Variants in SNCAIP observed in about 807,000 individuals in gnomAD.
SNCAIP encodes the protein synuclein alpha interacting protein.
Under a neutral mutation model 86.7 loss-of-function variants are expected in SNCAIP, and 43 were observed. The observed-to-expected ratio is 0.50, with a 90% CI of 0.39 to 0.64. The LOEUF is 0.64. SNCAIP is among the 30% of genes least tolerant of loss of function. SNCAIP has a pLI of 0.00. For synonymous variants in SNCAIP, 417 were observed against 427.2 expected (o/e 0.98, Z 0.29); for missense variants, 981 against 1,103.1 (o/e 0.89, Z 1.57).
chr5:122,428,236 T>C (rs71592595), intron 5 of SNCAIP, among the ~76,000 whole-genome samples: 5,448 of 152,264 alleles, frequency 0.036, 149 homozygotes, highest in Non-Finnish European at 0.056. Context: ...ATCTTACTGA[T>C]ACCCCCTTGC....
intron 1 of SNCAIP, among the ~76,000 whole-genome samples, chr5:122,382,854 G>A (rs559232013): frequency 3.3e-4 from 50 of 152,358 alleles, no homozygotes; most frequent in African/African-American, 6.5e-4. Flanking sequence ...TAGCCTGCTC[G>A]GGGGTCAGGG....
rs1781905444 is a variant in SNCAIP, at chr5:122,444,730, G to T, written c.1590G>T (p.Lys530Asn). 1 of 1,613,334 alleles carries T rather than the reference G, an allele frequency of 6.2e-7. No individual in the cohort carries two copies. The highest frequency in any genetic ancestry group is 8.5e-7 in the Non-Finnish European group (1 of 1,179,438). Residue 530 changes from lysine (K) to asparagine (N), a missense_variant and splice_region_variant, in exon 8 of 11, where the codon AAG becomes AAT. By Grantham distance (94) the Lys-to-Asn change is moderately conservative. Transcript: ENST00000261368. ...TGGTGAAGTTAACCAAGCAGCTAAA[G>T]GAGTAAGTGGCCTGTTGGTTCCATG... ...SQVVKLTKQL[K>N]EQTVERVTLQ...
intron 8 of SNCAIP, among the ~76,000 whole-genome samples, chr5:122,448,705 AC>A (rs1259212267): frequency 8.2e-6 from 1 of 121,926 alleles, no homozygotes; most frequent in Non-Finnish European, 1.8e-5. Flanking sequence ...TATATTATAT[AC>A]ATATATATAA....
intron 1 of SNCAIP, among the ~76,000 whole-genome samples, chr5:122,315,181 G>A (rs976591221): frequency 2.0e-5 from 3 of 152,166 alleles, no homozygotes; most frequent in Non-Finnish European, 4.4e-5. Flanking sequence ...TGGTTCTTCT[G>A]CTATTCTTAG....
chr5:122,399,867 G>C (rs886257579), intron 2 of SNCAIP, among the ~76,000 whole-genome samples: 9 of 151,986 alleles, frequency 5.9e-5, no homozygotes, highest in African/African-American at 2.2e-4. Flanking sequence ...AAAACAGATC[G>C]CTGGGCCCCA....
At chr5:122,431,474 A>G (rs548777764) in intron 5 of SNCAIP, among the ~76,000 whole-genome samples, 2 of 152,296 alleles carry the variant, frequency 1.3e-5, no homozygotes, top group Admixed American at 6.5e-5. Context: ...AAGGCCTGCT[A>G]TGTAAAAGAA....
Position 122,400,228 on chromosome 5 carries a change from G to A in SNCAIP, c.58-3565G>A, listed in dbSNP as rs149857361. Among the ~76,000 whole-genome samples, 348 of 152,008 alleles carry A rather than the reference G, an allele frequency of 2.3e-3. 1 individual carries two copies. Among genetic ancestry groups the A allele is most frequent in the Middle Eastern group, 6.8e-3 (2 of 294 alleles). On this transcript the variant is annotated intron_variant, in intron 2 of 10. Coordinates refer to ENST00000261368, the MANE Select transcript of SNCAIP (RefSeq NM_005460.4). ...AATGCGAGATGAGGCTGAGCTCATG[G>A]AAGGCTTCATGTGCCATGCTAAGGC...
chr5:122,321,697 C>T (rs1752966386), intron 1 of SNCAIP: 1 of 152,182 alleles, frequency 6.6e-6, no homozygotes, highest in Non-Finnish European at 1.5e-5. Flanking sequence ...ACCTGTCCAA[C>T]CCCTGCTCCC....
chr5:122,389,226 C>A (rs1185417094), intron 1 of SNCAIP: 1 of 152,146 alleles, frequency 6.6e-6, no homozygotes, highest in African/African-American at 2.4e-5. Flanking sequence ...ATTTAAAGAT[C>A]CATTTGGTCC....
intron 10 of SNCAIP, among the ~76,000 whole-genome samples, chr5:122,461,191 C>T (rs959810640): frequency 6.6e-6 from 1 of 152,158 alleles, no homozygotes; most frequent in African/African-American, 2.4e-5. Flanking sequence ...ATTTCATTTT[C>T]TTTTGCTTCT....
chr5:122,377,204 A>G (rs1765509824), intron 1 of SNCAIP, among the ~76,000 whole-genome samples: 1 of 152,108 alleles, frequency 6.6e-6, no homozygotes, highest in African/African-American at 2.4e-5. Context: ...TGTATTGCAT[A>G]AGACAGTTTC....
chr5:122,320,175 C>T (rs1284557984), intron 1 of SNCAIP, among the ~76,000 whole-genome samples: 2 of 152,214 alleles, frequency 1.3e-5, no homozygotes, highest in African/African-American at 4.8e-5. Context: ...TCACCTGTGA[C>T]AATGTTTTCA....
chr5:122,314,187 A>G (rs1580701922), intron 1 of SNCAIP, among the ~76,000 whole-genome samples: 1 of 152,206 alleles, frequency 6.6e-6, no homozygotes, highest in East Asian at 1.9e-4. Flanking sequence ...TGTGCGTGCT[A>G]TTGTTTTGGA....
intron 1 of SNCAIP, among the ~76,000 whole-genome samples, chr5:122,377,760 A>G (rs1283690078): frequency 2.2e-5 from 3 of 139,338 alleles, no homozygotes; most frequent in South Asian, 2.3e-4. Context: ...TCATTGTTCA[A>G]TTCCCACCTA....
At chr5:122,433,907 T>C (rs1191343866) in intron 6 of SNCAIP, among the ~76,000 whole-genome samples, 1 of 152,196 alleles carries the variant, frequency 6.6e-6, no homozygotes, top group East Asian at 1.9e-4. Context: ...TATTCTCTTG[T>C]GATGCTAGGC....
chr5:122,393,120 C>T (rs1457252254), intron 2 of SNCAIP, among the ~76,000 whole-genome samples: 1 of 152,132 alleles, frequency 6.6e-6, no homozygotes, highest in African/African-American at 2.4e-5. Flanking sequence ...AAAACATAAA[C>T]AAAGATATCC....
At chr5:122,448,234 T>G (rs927944945) in intron 8 of SNCAIP, among the ~76,000 whole-genome samples, 4 of 152,202 alleles carry the variant, frequency 2.6e-5, no homozygotes, top group African/African-American at 7.2e-5. Flanking sequence ...TCGTGAGAGC[T>G]GCTGTCATTT....
At chr5:122,412,841 A>G (rs1301584037) in intron 3 of SNCAIP, among the ~76,000 whole-genome samples, 1 of 152,208 alleles carries the variant, frequency 6.6e-6, no homozygotes, top group Non-Finnish European at 1.5e-5. Context: ...GAAACATCTC[A>G]TCAGGCGCTG....
At chr5:122,351,886 A>C (rs941457535) in intron 1 of SNCAIP, among the ~76,000 whole-genome samples, 1 of 152,214 alleles carries the variant, frequency 6.6e-6, no homozygotes, top group Admixed American at 6.5e-5. Flanking sequence ...GGGGTTTGTC[A>C]GTGATGATGA....
Sources: allele counts gnomAD v4.1 joint callset (sites outside exome capture counted in the v4.1 genomes callset), GRCh38; gene constraint gnomAD v4.1.1; transcripts MANE v1.5; gene names NCBI Gene and HGNC (gene_info 2026-07-23, HGNC 2026-07-21).